The following DCC variants were observed in gnomAD, a reference collection of about 807,000 sequenced individuals.
DCC encodes netrin receptor DCC.
In DCC, 58 loss-of-function variants were observed where a neutral mutation model predicts 172.5. The observed-to-expected ratio is 0.34, with a 90% CI of 0.27 to 0.42. The LOEUF (loss-of-function observed/expected upper bound fraction) is 0.42. DCC is among the 10% of genes least tolerant of loss of function. DCC has a pLI of 1.00. For synonymous variants in DCC, 709 were observed against 644.5 expected, an observed-to-expected ratio of 1.10 and a Z score of -1.52; for missense variants, 1,740 against 1,791.0, an observed-to-expected ratio of 0.97 and a Z score of 0.51.
chr18:53,166,122 T>A (rs1273634096), intron 8 of DCC, among the ~76,000 whole-genome samples: 2 of 152,120 alleles, frequency 1.3e-5, no homozygotes, highest in Non-Finnish European at 2.9e-5. Context: ...GGGGCAAAAC[T>A]GACAGGACTG....
intron 9 of DCC, among the ~76,000 whole-genome samples, chr18:53,181,217 C>G (rs1305331745): frequency 6.6e-6 from 1 of 152,034 alleles, no homozygotes; most frequent in African/African-American, 2.4e-5. Flanking sequence ...TCTCCTAGTT[C>G]TAAAATTATC....
chr18:52,846,633 A>ACACACACG (rs1430840366), intron 2 of DCC, among the ~76,000 whole-genome samples: 2 of 124,688 alleles, frequency 1.6e-5, no homozygotes, highest in African/African-American at 5.6e-5. Context: ...ACACACACAC[A>ACACACACG]CACACACACA....
chr18:52,434,471 C>T (rs936004439), intron 1 of DCC, among the ~76,000 whole-genome samples: 1 of 152,144 alleles, frequency 6.6e-6, no homozygotes, highest in Non-Finnish European at 1.5e-5. Flanking sequence ...TAAATTGCTA[C>T]AATTATCCAT....
At chr18:53,207,572 T>C in intron 10 of DCC, 107 bp from the exon 11 acceptor site, 1 of 1,066,328 alleles carries the variant, frequency 9.4e-7, no homozygotes, top group Non-Finnish European at 1.4e-6. Flanking sequence ...AAGGCTGGAG[T>C]GTAGTTTGTA....
At chr18:52,482,888 G>A (rs1264740359) in intron 1 of DCC, among the ~76,000 whole-genome samples, 2 of 152,042 alleles carry the variant, frequency 1.3e-5, no homozygotes, top group East Asian at 1.9e-4. Flanking sequence ...TTGTATTAGG[G>A]CTGCTGTCCT....
intron 2 of DCC, among the ~76,000 whole-genome samples, chr18:52,809,803 G>A (rs1313612589): frequency 2.0e-5 from 3 of 152,140 alleles, no homozygotes; most frequent in Non-Finnish European, 4.4e-5. Context: ...CTCCCAACTC[G>A]AATGCCTGGG....
intron 12 of DCC, among the ~76,000 whole-genome samples, chr18:53,270,793 G>T (rs1156862894): frequency 6.6e-6 from 1 of 152,080 alleles, no homozygotes; most frequent in Non-Finnish European, 1.5e-5. Flanking sequence ...CTTATGGCAT[G>T]ATTTTAAGGC....
chr18:52,413,110 G>GT (rs140697364), intron 1 of DCC, among the ~76,000 whole-genome samples: 13,822 of 150,074 alleles, frequency 0.092, 836 homozygotes, highest in Middle Eastern at 0.18. Flanking sequence ...AGGCTTATAT[G>GT]TTTTTTTTTC....
intron 1 of DCC, among the ~76,000 whole-genome samples, chr18:52,415,803 G>T (rs1393153267): frequency 2.6e-5 from 4 of 152,058 alleles, no homozygotes; most frequent in African/African-American, 9.7e-5. Context: ...TATCAATTTT[G>T]TTGATCCTTT....
At chr18:52,753,800 A>G (rs1036961884) in intron 2 of DCC, among the ~76,000 whole-genome samples, 1 of 152,212 alleles carries the variant, frequency 6.6e-6, no homozygotes, top group African/African-American at 2.4e-5. Context: ...GTTAGAAGGC[A>G]GCTCATAATT....
At chr18:52,395,558 T>G (rs539634745) in intron 1 of DCC, among the ~76,000 whole-genome samples, 1 of 152,130 alleles carries the variant, frequency 6.6e-6, no homozygotes, top group East Asian at 1.9e-4. Flanking sequence ...CAGGAGAAGA[T>G]TTATCAGTTG....
intron 12 of DCC, among the ~76,000 whole-genome samples, chr18:53,217,109 C>T (rs1294141712): frequency 6.6e-6 from 1 of 151,776 alleles, no homozygotes; most frequent in Non-Finnish European, 1.5e-5. Context: ...GTGTTCATAC[C>T]CTTTAAGAGT....
At chr18:53,439,434 T>G (rs537487201) in intron 22 of DCC, among the ~76,000 whole-genome samples, 1 of 152,298 alleles carries the variant, frequency 6.6e-6, no homozygotes, top group East Asian at 1.9e-4. Context: ...ACGTCTCCCC[T>G]TAGAGTGACA....
chr18:53,104,131 G>A (rs1170315707), intron 7 of DCC, among the ~76,000 whole-genome samples: 1 of 152,036 alleles, frequency 6.6e-6, no homozygotes, highest in Non-Finnish European at 1.5e-5. Context: ...GTGTGGTGCA[G>A]CATGGCAGTG....
At chr18:52,524,984 G>A (rs1434194794) in intron 1 of DCC, among the ~76,000 whole-genome samples, 1 of 152,060 alleles carries the variant, frequency 6.6e-6, no homozygotes, top group South Asian at 2.1e-4. Context: ...ATAGTGTCAA[G>A]GTATGTATCT....
At chr18:53,380,447 A>G (rs1272614885) in intron 15 of DCC, among the ~76,000 whole-genome samples, 1 of 152,168 alleles carries the variant, frequency 6.6e-6, no homozygotes, top group African/African-American at 2.4e-5. Flanking sequence ...ATAAATGTAC[A>G]ATATTTTCTT....
intron 1 of DCC, among the ~76,000 whole-genome samples, chr18:52,605,065 A>T (rs934297101): frequency 1.3e-5 from 2 of 152,088 alleles, no homozygotes; most frequent in Non-Finnish European, 2.9e-5. Flanking sequence ...CCTATTTAAT[A>T]GCTATATCAT....
chr18:52,382,752 A>G (rs113503810), intron 1 of DCC, among the ~76,000 whole-genome samples: 87 of 152,182 alleles, frequency 5.7e-4, no homozygotes, highest in African/African-American at 2.0e-3. Flanking sequence ...GGAGATGGGG[A>G]ACACAGGAGA....
chr18:52,493,890 A>G (rs1008561519), intron 1 of DCC, among the ~76,000 whole-genome samples: 13 of 152,108 alleles, frequency 8.5e-5, no homozygotes, highest in African/African-American at 2.9e-4. Flanking sequence ...TTTAAAGGCC[A>G]TAAAACACTA....
Sources: gnomAD v4.1 joint callset for allele counts (sites outside exome capture counted in the v4.1 genomes callset) on GRCh38, gnomAD v4.1.1 for gene constraint, MANE v1.5 for transcripts, NCBI Gene and HGNC (gene_info 2026-07-23, HGNC 2026-07-21) for gene names.